The following AMBRA1 variants were observed in gnomAD, a reference collection of about 807,000 sequenced individuals.
AMBRA1 encodes the protein autophagy and beclin 1 regulator 1.
In AMBRA1, 47 loss-of-function variants were observed where a neutral mutation model predicts 125.4. That is an observed-to-expected ratio of 0.37 (90% CI 0.30 to 0.48). AMBRA1 has a LOEUF of 0.48. Among genes scored for constraint, AMBRA1 ranks in the 20% least tolerant of loss-of-function variants. The pLI, the probability that AMBRA1 is intolerant of heterozygous loss-of-function variation, is 0.99. For missense variants in AMBRA1, 1,331 were observed against 1,693.4 expected (o/e 0.79, Z 3.76); for synonymous variants, 626 against 655.5 (o/e 0.95, Z 0.69).
chr11:46,497,733 A>G (rs1950688447), intron 9 of AMBRA1, among the ~76,000 whole-genome samples: 1 of 152,226 alleles, frequency 6.6e-6, no homozygotes, highest in Non-Finnish European at 1.5e-5. Flanking sequence ...CGAGTTCGAC[A>G]GGAAGAGGGG....
intron 11 of AMBRA1, among the ~76,000 whole-genome samples, chr11:46,453,947 A>T (rs541382210): frequency 3.4e-4 from 52 of 152,344 alleles, no homozygotes; most frequent in African/African-American, 1.2e-3. Context: ...TCTTATTTGT[A>T]GGAATTAGGC....
chr11:46,403,856 G>A (rs1459583773), intron 17 of AMBRA1, among the ~76,000 whole-genome samples: 1 of 152,060 alleles, frequency 6.6e-6, no homozygotes, highest in East Asian at 1.9e-4. Context: ...GTGGGGAGGG[G>A]CAGGGCACAG....
At chr11:46,478,941 G>A (rs914950154) in intron 11 of AMBRA1, among the ~76,000 whole-genome samples, 7 of 152,222 alleles carry the variant, frequency 4.6e-5, no homozygotes, top group African/African-American at 1.7e-4. Context: ...GCTCACGCCA[G>A]TAATCCTAAC....
At chr11:46,478,337 A>G (rs1949905995) in intron 11 of AMBRA1, among the ~76,000 whole-genome samples, 1 of 152,202 alleles carries the variant, frequency 6.6e-6, no homozygotes. Flanking sequence ...GTACAGGTTC[A>G]CTTACAGCAA....
At chr11:46,514,530 C>T (rs188267793) in intron 7 of AMBRA1, among the ~76,000 whole-genome samples, 1 of 152,326 alleles carries the variant, frequency 6.6e-6, no homozygotes, top group Admixed American at 6.5e-5. Context: ...CACTGTGGTT[C>T]AAATGTGGCA....
rs561537111 is a variant in AMBRA1, at chr11:46,567,770, C to T, written c.-120-19270G>A. On this transcript the variant is annotated intron_variant, in intron 1 of 17. Transcript: ENST00000683756. ...AGAAGCAGACTCAGTACATAAGGAC[C>T]ATTTCACATGTGCCTATGATTGCAA... Among the ~76,000 whole-genome samples, 6 of 152,300 alleles carry T rather than the reference C, an allele frequency of 3.9e-5. No homozygotes were observed. In the South Asian group the frequency reaches 1.2e-3, roughly 32 times the overall value.
At chr11:46,437,717 G>A (rs181017080) in intron 12 of AMBRA1, among the ~76,000 whole-genome samples, 2 of 152,256 alleles carry the variant, frequency 1.3e-5, no homozygotes, top group Non-Finnish European at 2.9e-5. Flanking sequence ...GAGATTTCTT[G>A]GATCTCAATT....
rs1242137639 is a variant in AMBRA1, at chr11:46,508,182, T to A, written c.2339+9A>T. The A allele has an allele frequency of 6.2e-7, 1 of 1,613,852 alleles. No homozygotes were observed. Among genetic ancestry groups the A allele is most frequent in the Non-Finnish European group, 8.5e-7 (1 of 1,179,742 alleles). Reference sequence around the variant, plus strand: ...GAGAGGGAAGAAAGCAAGCTGAGTATGTACTTACTCAAAGTCCTCAAATTC... The same window carrying A: ...GAGAGGGAAGAAAGCAAGCTGAGTAAGTACTTACTCAAAGTCCTCAAATTC... On this transcript the variant is annotated intron_variant, in intron 9 of 17. Coordinates refer to ENST00000683756, the MANE Select transcript of AMBRA1 (RefSeq NM_001387011.1).
intron 1 of AMBRA1, among the ~76,000 whole-genome samples, chr11:46,572,978 C>A (rs1642228957): frequency 6.6e-6 from 1 of 151,600 alleles, no homozygotes. Flanking sequence ...GTAATCCCAG[C>A]TACTCGGGAG....
intron 1 of AMBRA1, among the ~76,000 whole-genome samples, chr11:46,575,029 T>C (rs1195623190): frequency 6.6e-6 from 1 of 152,204 alleles, no homozygotes; most frequent in African/African-American, 2.4e-5. Flanking sequence ...TCTGAAGATA[T>C]TCTTGGCAGC....
intron 11 of AMBRA1, among the ~76,000 whole-genome samples, chr11:46,468,634 TAAAAATACAA>T (rs1235108030): frequency 4.7e-5 from 7 of 148,076 alleles, no homozygotes; most frequent in African/African-American, 1.8e-4. Flanking sequence ...CCGTCTCTAC[TAAAAATACAA>T]AAAAATACAA....
intron 1 of AMBRA1, among the ~76,000 whole-genome samples, chr11:46,579,992 C>T (rs146267985): frequency 4.6e-5 from 7 of 152,294 alleles, no homozygotes; most frequent in Admixed American, 6.5e-5. Context: ...GGATTACAGG[C>T]GTGAGTCACC....
intron 12 of AMBRA1, among the ~76,000 whole-genome samples, chr11:46,437,517 T>TAA (rs1947783652): frequency 6.6e-6 from 1 of 152,234 alleles, no homozygotes; most frequent in Non-Finnish European, 1.5e-5. Context: ...TGTGGTGGCA[T>TAA]AGAGTGATTT....
intron 7 of AMBRA1, among the ~76,000 whole-genome samples, chr11:46,538,821 C>G (rs143166194): frequency 1.3e-3 from 191 of 152,260 alleles, no homozygotes; most frequent in Non-Finnish European, 2.2e-3. Flanking sequence ...TTTTAAATAA[C>G]CTACTTTATT....
chr11:46,427,754 A>C (rs1037733135), intron 14 of AMBRA1, among the ~76,000 whole-genome samples: 3 of 152,166 alleles, frequency 2.0e-5, no homozygotes, highest in Non-Finnish European at 4.4e-5. Flanking sequence ...CATGCCTGTA[A>C]TCCCAGCACT....
intron 16 of AMBRA1, among the ~76,000 whole-genome samples, chr11:46,409,491 C>G (rs1158951865): frequency 1.3e-5 from 2 of 152,224 alleles, no homozygotes; most frequent in Non-Finnish European, 2.9e-5. Flanking sequence ...AGCCACCGCG[C>G]CCATCCAGGA....
intron 11 of AMBRA1, among the ~76,000 whole-genome samples, chr11:46,490,513 A>G (rs770184796): frequency 6.6e-6 from 1 of 152,152 alleles, no homozygotes; most frequent in Non-Finnish European, 1.5e-5. Context: ...TGTGGGAGGA[A>G]GTAGAACGGA....
chr11:46,407,801 G>A (rs1946095219), intron 17 of AMBRA1, among the ~76,000 whole-genome samples: 1 of 152,176 alleles, frequency 6.6e-6, no homozygotes, highest in Non-Finnish European at 1.5e-5. Flanking sequence ...CTTAGAAAAT[G>A]TGTCTGTTTG....
chr11:46,429,121 G>C, intron 14 of AMBRA1: 1 of 1,602,074 alleles, frequency 6.2e-7, no homozygotes, highest in Non-Finnish European at 8.5e-7. Context: ...GTTCATAAAT[G>C]GCAATCCGGT....
Sources: allele counts gnomAD v4.1 joint callset (sites outside exome capture counted in the v4.1 genomes callset), GRCh38; gene constraint gnomAD v4.1.1; transcripts MANE v1.5; gene names NCBI Gene and HGNC (gene_info 2026-07-23, HGNC 2026-07-21).